Variants in THRB observed in about 807,000 individuals in gnomAD.
THRB encodes thyroid hormone receptor beta, also known as nuclear receptor subfamily 1 group A member 2.
Under a neutral mutation model 47.8 loss-of-function variants are expected in THRB, and 12 were observed. That is an observed-to-expected ratio of 0.25 (90% CI 0.16 to 0.41). The LOEUF (loss-of-function observed/expected upper bound fraction) is 0.41. Among genes scored for constraint, THRB ranks in the 10% least tolerant of loss-of-function variants. The pLI, the probability that THRB is intolerant of heterozygous loss-of-function variation, is 1.00. For missense variants in THRB, 348 were observed against 589.2 expected, an observed-to-expected ratio of 0.59 and a Z score of 4.24; for synonymous variants, 218 against 212.2, an observed-to-expected ratio of 1.03 and a Z score of -0.24.
chr3:24,412,446 A>G (rs2068382597), intron 1 of THRB, among the ~76,000 whole-genome samples: 1 of 151,816 alleles, frequency 6.6e-6, no homozygotes, highest in Non-Finnish European at 1.5e-5. Flanking sequence ...TGATTTTGAG[A>G]TAACTGTTTA....
At chr3:24,205,948 T>C (rs529523435) in intron 4 of THRB, among the ~76,000 whole-genome samples, 168 of 152,300 alleles carry the variant, frequency 1.1e-3, no homozygotes, top group African/African-American at 3.8e-3. Flanking sequence ...CAAGAAGAGC[T>C]AACTATCCTA....
chr3:24,216,272 C>G (rs2046549628), intron 4 of THRB, among the ~76,000 whole-genome samples: 1 of 152,146 alleles, frequency 6.6e-6, no homozygotes, highest in African/African-American at 2.4e-5. Flanking sequence ...TAGATGGTCT[C>G]TAAGATTCCT....
At chr3:24,361,864 C>T (rs990516848) in intron 1 of THRB, among the ~76,000 whole-genome samples, 4 of 152,000 alleles carry the variant, frequency 2.6e-5, no homozygotes, top group Admixed American at 2.0e-4. Context: ...CACCTTCTGC[C>T]GATTTAACTT....
chr3:24,367,079 C>T (rs1167852365), intron 1 of THRB, among the ~76,000 whole-genome samples: 1 of 152,148 alleles, frequency 6.6e-6, no homozygotes, highest in African/African-American at 2.4e-5. Context: ...CAAATGTGTG[C>T]TAAACACTAG....
intron 4 of THRB, among the ~76,000 whole-genome samples, chr3:24,228,235 G>A (rs971459206): frequency 1.3e-5 from 2 of 152,048 alleles, no homozygotes; most frequent in Non-Finnish European, 2.9e-5. Flanking sequence ...TACAACCATC[G>A]CTCTATAAAT....
chr3:24,233,290 C>G (rs946498094), intron 3 of THRB, among the ~76,000 whole-genome samples: 11 of 152,068 alleles, frequency 7.2e-5, no homozygotes, highest in African/African-American at 2.7e-4. Context: ...GTGGCTGCTG[C>G]TAATTACTCT....
intron 1 of THRB, among the ~76,000 whole-genome samples, chr3:24,477,695 A>T (rs1288416660): frequency 1.3e-5 from 2 of 152,056 alleles, no homozygotes; most frequent in African/African-American, 4.8e-5. Context: ...GTCCTAACGC[A>T]GGATACGTAC....
At position 24,120,255 on chromosome 3, in the gene THRB, G is replaced by A. The variant is rs759279545; in HGVS notation, c.*2629C>T. On this transcript the variant is annotated 3_prime_UTR_variant, in exon 11 of 11. Transcript: ENST00000646209. Reference sequence around the variant, plus strand: ...TAAGGCTTGTCCTACTCCGCATGAAGTATTCAGCCTTCAACGAGATTTCCA... The same window carrying A: ...TAAGGCTTGTCCTACTCCGCATGAAATATTCAGCCTTCAACGAGATTTCCA... The A allele has an allele frequency of 6.6e-6, 1 of 152,210 alleles. No individual in the cohort carries two copies. Among genetic ancestry groups the A allele is most frequent in the Non-Finnish European group, 1.5e-5 (1 of 68,038 alleles). 9.4% of individuals were successfully genotyped at this position (152,210 alleles called of 1,614,324 possible). A position where few individuals can be genotyped will look rare whatever the true frequency, so the allele number is the denominator to read the frequency against.
At chr3:24,320,424 C>T (rs886907883) in intron 2 of THRB, among the ~76,000 whole-genome samples, 2 of 152,154 alleles carry the variant, frequency 1.3e-5, no homozygotes, top group Non-Finnish European at 2.9e-5. Context: ...GCATTCAGGG[C>T]AGGACAAATG....
intron 3 of THRB, among the ~76,000 whole-genome samples, chr3:24,272,596 G>A (rs1369722856): frequency 6.6e-6 from 1 of 152,038 alleles, no homozygotes; most frequent in East Asian, 1.9e-4. Flanking sequence ...TCTTTTCCCT[G>A]GCAAGGAATT....
chr3:24,322,593 G>T (rs2058554774), intron 2 of THRB, among the ~76,000 whole-genome samples: 1 of 152,150 alleles, frequency 6.6e-6, no homozygotes, highest in African/African-American at 2.4e-5. Flanking sequence ...ACATCTTGGG[G>T]CATCACAATC....
intron 4 of THRB, among the ~76,000 whole-genome samples, chr3:24,210,144 C>T (rs1449264010): frequency 6.6e-6 from 1 of 152,158 alleles, no homozygotes; most frequent in Admixed American, 6.5e-5. Context: ...ATGGTCCATG[C>T]TTACTACACC....
At chr3:24,412,025 A>G (rs924102017) in intron 1 of THRB, among the ~76,000 whole-genome samples, 1 of 151,824 alleles carries the variant, frequency 6.6e-6, no homozygotes, top group Non-Finnish European at 1.5e-5. Flanking sequence ...ATTTGGAGAT[A>G]GGATAGGTGC....
intron 4 of THRB, among the ~76,000 whole-genome samples, chr3:24,222,496 C>T (rs947456849): frequency 6.6e-6 from 1 of 152,036 alleles, no homozygotes; most frequent in African/African-American, 2.4e-5. Context: ...ACAGCCGACT[C>T]ATCAGGGTTT....
chr3:24,232,255 T>C lies in THRB; in HGVS notation c.-42-3254A>G, dbSNP rs1391014594. On this transcript the variant is annotated intron_variant, in intron 3 of 10. Transcript: ENST00000646209. ...TCATTTGTTTGGTTATCGCGAGGCC[T>C]TGGTTGAGGCTACTCTGTTTAGGCA... 3.9e-5 allele frequency among the ~76,000 whole-genome samples: 6 copies of C among 152,240 alleles called. No individual in the cohort carries two copies. The South Asian group carries it at 6.2e-4, about 16-fold the overall frequency.
intron 1 of THRB, among the ~76,000 whole-genome samples, chr3:24,407,681 A>G (rs993571621): frequency 5.3e-5 from 8 of 151,872 alleles, no homozygotes; most frequent in African/African-American, 1.7e-4. Context: ...ATAATCTCAA[A>G]GGCATTTTCA....
intron 1 of THRB, among the ~76,000 whole-genome samples, chr3:24,413,543 A>G (rs888673664): frequency 2.0e-5 from 3 of 151,782 alleles, no homozygotes; most frequent in African/African-American, 7.2e-5. Context: ...ACATTGACCT[A>G]TTAACTTTTT....
At chr3:24,455,883 A>G (rs2073122779) in intron 1 of THRB, among the ~76,000 whole-genome samples, 1 of 152,174 alleles carries the variant, frequency 6.6e-6, no homozygotes, top group Non-Finnish European at 1.5e-5. Flanking sequence ...TGGGGCTACT[A>G]TTTTGACATC....
At chr3:24,341,835 A>T (rs1164850107) in intron 1 of THRB, among the ~76,000 whole-genome samples, 1 of 152,146 alleles carries the variant, frequency 6.6e-6, no homozygotes, top group Non-Finnish European at 1.5e-5. Flanking sequence ...TGGATGAGAA[A>T]CACATAGCAG....
Sources: allele counts gnomAD v4.1 joint callset (sites outside exome capture counted in the v4.1 genomes callset), GRCh38; gene constraint gnomAD v4.1.1; transcripts MANE v1.5; gene names NCBI Gene and HGNC (gene_info 2026-07-23, HGNC 2026-07-21).